RETREG3: variants seen among roughly 807,000 people sequenced by gnomAD.
RETREG3 encodes reticulophagy regulator 3.
Under a neutral mutation model 50.2 loss-of-function variants are expected in RETREG3, and 23 were observed. The observed-to-expected ratio is 0.46, with a 90% CI of 0.33 to 0.65. The LOEUF is 0.65. Ranked by LOEUF, RETREG3 falls within the 30% of genes least tolerant of loss-of-function variation. The pLI is 0.02. For missense variants in RETREG3, 546 were observed against 598.0 expected (o/e 0.91, Z 0.91); for synonymous variants, 240 against 234.4 (o/e 1.02, Z -0.22).
intron 1 of RETREG3, among the ~76,000 whole-genome samples, chr17:42,597,579 GTGTATATATATATATATATATATATATA>G (rs2093148432): frequency 3.0e-4 from 2 of 6,586 alleles, no homozygotes; most frequent in Non-Finnish European, 5.2e-4. Context: ...TATATTTTGT[GTGTATATATATATATATATATATATATA>G]TATATATATA....
chr17:42,581,333 A>C lies in RETREG3; in HGVS notation c.*480T>G, dbSNP rs1004909757. ...CAGAAAGCCAAGATCACACCACTGC[A>C]CTCCAGCCTGGGCAACAGAGCGAAA... On this transcript the variant is annotated 3_prime_UTR_variant, in exon 9 of 9. Transcript: ENST00000309428. 1 of 154,544 alleles carries C rather than the reference A, an allele frequency of 6.5e-6. No individual in the cohort carries two copies. Among genetic ancestry groups the C allele is most frequent in the Non-Finnish European group, 1.4e-5 (1 of 69,764 alleles). The allele number at this position is 154,544 out of a possible 1,614,324, so 9.6% of individuals were successfully genotyped here.
chr17:42,591,175 C>A (rs1428761668), intron 2 of RETREG3, among the ~76,000 whole-genome samples: 1 of 152,172 alleles, frequency 6.6e-6, no homozygotes, highest in Non-Finnish European at 1.5e-5. Context: ...CTGTTCAAAT[C>A]TTTTGCTTTG....
chr17:42,607,841 A>C (rs1426477019), intron 1 of RETREG3, among the ~76,000 whole-genome samples: 1 of 152,046 alleles, frequency 6.6e-6, no homozygotes, highest in Non-Finnish European at 1.5e-5. Flanking sequence ...ACTACCAAAA[A>C]TAAATGAAGA....
At chr17:42,608,940 G>C (rs1002796516) in intron 1 of RETREG3, 146 bp downstream of exon 1, 5 of 748,874 alleles carry the variant, frequency 6.7e-6, no homozygotes, top group African/African-American at 5.3e-5. Flanking sequence ...CTGCAGGCGG[G>C]ATGGAGTGGA....
At chr17:42,597,542 TTTC>T (rs1363228786) in intron 1 of RETREG3, among the ~76,000 whole-genome samples, 3 of 137,384 alleles carry the variant, frequency 2.2e-5, no homozygotes, top group African/African-American at 8.3e-5. Context: ...TATATATATA[TTTC>T]GTATATATAT....
intron 2 of RETREG3, among the ~76,000 whole-genome samples, chr17:42,588,761 A>C (rs2093126391): frequency 6.6e-6 from 1 of 151,528 alleles, no homozygotes; most frequent in South Asian, 2.1e-4. Flanking sequence ...GTGTTCAAGC[A>C]ATTCTCCTGC....
At chr17:42,594,817 C>T (rs1316928242) in intron 1 of RETREG3, among the ~76,000 whole-genome samples, 1 of 151,588 alleles carries the variant, frequency 6.6e-6, no homozygotes, top group African/African-American at 2.4e-5. Flanking sequence ...CGCTACTGCA[C>T]TCCAGGCTGG....
rs555986828 is a variant in RETREG3, at chr17:42,581,624, A to G, written c.*189T>C. 1.5e-4 allele frequency: 83 copies of G among 559,914 alleles called. 1 individual carries two copies. The highest frequency in any genetic ancestry group is 1.4e-3 in the Middle Eastern group (3 of 2,176). The allele number at this position is 559,914 out of a possible 1,614,324, so 34.7% of individuals were successfully genotyped here. The stretch of plus-strand genomic sequence containing the variant: ...CTCACTTCAGTGACTGAGCTCAGAA[A>G]TGGGCATCCAGCTGGTGGGAGGGGA... On this transcript the variant is annotated 3_prime_UTR_variant, in exon 9 of 9. Coordinates refer to ENST00000309428, the MANE Select transcript of RETREG3 (RefSeq NM_178126.4).
At chr17:42,582,434 C>G (rs773450643) in intron 8 of RETREG3, among the ~76,000 whole-genome samples, 164 bp from the exon 9 acceptor site, 1 of 152,184 alleles carries the variant, frequency 6.6e-6, no homozygotes, top group Non-Finnish European at 1.5e-5. Context: ...GATCTCTACA[C>G]AATTCCCCCT....
chr17:42,603,945 C>T (rs552042963), intron 1 of RETREG3, among the ~76,000 whole-genome samples: 108 of 151,848 alleles, frequency 7.1e-4, no homozygotes, highest in African/African-American at 2.4e-3. Flanking sequence ...CCACTGTACT[C>T]CAGCCTGGGC....
chr17:42,586,246 G>T, intron 4 of RETREG3, 109 bp from the exon 5 acceptor site: 1 of 978,656 alleles, frequency 1.0e-6, no homozygotes, highest in Non-Finnish European at 1.6e-6. Flanking sequence ...AGTCAAGCAT[G>T]GACGTGCAGC....
chr17:42,581,367 A>G lies in RETREG3; in HGVS notation c.*446T>C, dbSNP rs2093108125. On this transcript the variant is annotated 3_prime_UTR_variant, in exon 9 of 9. Coordinates refer to ENST00000309428, the MANE Select transcript of RETREG3 (RefSeq NM_178126.4). Reference sequence around the variant, plus strand: ...TGGGCAACAGAGCGAAACTGTCTCAAAAAAAAAGATGATGACAATGTAACT... The same window carrying G: ...TGGGCAACAGAGCGAAACTGTCTCAGAAAAAAAGATGATGACAATGTAACT... The G allele has an allele frequency of 6.4e-6, 1 of 156,762 alleles. No homozygotes were observed. The highest frequency in any genetic ancestry group is 1.4e-5 in the Non-Finnish European group (1 of 71,180). The allele number at this position is 156,762 out of a possible 1,614,324, so 9.7% of individuals were successfully genotyped here.
intron 1 of RETREG3, among the ~76,000 whole-genome samples, chr17:42,595,649 AC>A (rs1168574349): frequency 6.7e-6 from 1 of 148,822 alleles, no homozygotes; most frequent in East Asian, 2.0e-4. Flanking sequence ...ACCAATGACA[AC>A]CCTATTTCTT....
Position 42,600,496 on chromosome 17 carries a change from T to G in RETREG3, c.240-8334A>C, listed in dbSNP as rs971280978. Among the ~76,000 whole-genome samples the G allele has an allele frequency of 6.6e-5, 10 of 152,232 alleles. 1 individual carries two copies. The highest frequency in any genetic ancestry group is 5.9e-4 in the Admixed American group (9 of 15,274). Reference sequence around the variant, plus strand: ...TAATGATGGCAGATGTTTCTTAAAGTCTCTTTTTCAGAAAAATATACTGAA... The same window carrying G: ...TAATGATGGCAGATGTTTCTTAAAGGCTCTTTTTCAGAAAAATATACTGAA... On this transcript the variant is annotated intron_variant, in intron 1 of 8. Transcript: ENST00000309428.
At chr17:42,608,376 A>G (rs549022308) in intron 1 of RETREG3, among the ~76,000 whole-genome samples, 39 of 152,212 alleles carry the variant, frequency 2.6e-4, no homozygotes, top group Non-Finnish European at 4.6e-4. Flanking sequence ...AGGAAAACTC[A>G]CACACAGTAT....
Position 42,582,061 on chromosome 17 carries a change from C to G in RETREG3, c.1153G>C (p.Gly385Arg). The change falls in exon 9 of 9, where the codon GGT becomes CGT. Residue 385 changes from glycine to arginine, a missense_variant. Transcript: ENST00000309428. ...DEAALPELLL[G>R]ALPVGSNLTS... ...AGGTTGGATCCTACAGGAAGAGCACCAAGCAGGAGCTCCGGCAGCGCAGCC... is the reference window on the plus strand; with the variant it reads ...AGGTTGGATCCTACAGGAAGAGCACGAAGCAGGAGCTCCGGCAGCGCAGCC... 1.2e-6 allele frequency: 2 copies of G among 1,613,986 alleles called. No homozygotes were observed. Among genetic ancestry groups the G allele is most frequent in the Non-Finnish European group, 1.7e-6 (2 of 1,179,984 alleles).
intron 1 of RETREG3, among the ~76,000 whole-genome samples, chr17:42,603,159 G>T (rs747913975): frequency 6.6e-6 from 1 of 151,980 alleles, no homozygotes; most frequent in Non-Finnish European, 1.5e-5. Context: ...CAGAAACATC[G>T]TGAGAAATTC....
chr17:42,595,495 C>T (rs572852008), intron 1 of RETREG3, among the ~76,000 whole-genome samples: 1 of 149,124 alleles, frequency 6.7e-6, no homozygotes, highest in Non-Finnish European at 1.5e-5. Flanking sequence ...CTCCCAGGTT[C>T]AAGCAATTCT....
chr17:42,603,600 T>A (rs1393809118), intron 1 of RETREG3, among the ~76,000 whole-genome samples: 2 of 152,158 alleles, frequency 1.3e-5, no homozygotes, highest in Non-Finnish European at 2.9e-5. Context: ...AACCAAGGCA[T>A]CCTTGGGAGT....
Sources: gnomAD v4.1 joint callset for allele counts (sites outside exome capture counted in the v4.1 genomes callset) on GRCh38, gnomAD v4.1.1 for gene constraint, MANE v1.5 for transcripts, NCBI Gene and HGNC (gene_info 2026-07-23, HGNC 2026-07-21) for gene names.